The following RHBDL2 variants were observed in gnomAD, a reference collection of about 807,000 sequenced individuals.
RHBDL2 encodes the protein rhomboid-related protein 2.
Under a neutral mutation model 31.7 loss-of-function variants are expected in RHBDL2, and 26 were observed. That is an observed-to-expected ratio of 0.82 (90% CI 0.60 to 1.14). The LOEUF (loss-of-function observed/expected upper bound fraction) is 1.14. Among genes scored for constraint, RHBDL2 ranks in the 50% most tolerant of loss-of-function variants. The probability of loss-of-function intolerance (pLI) is 0.00; values close to 1 mark genes in which losing one functional copy is unlikely to be tolerated. For synonymous variants in RHBDL2, 123 were observed against 127.2 expected (o/e 0.97, Z 0.22); for missense variants, 336 against 364.4 (o/e 0.92, Z 0.63).
chr1:38,912,985 T>TGTGTGTGTA (rs780852288), intron 3 of RHBDL2, among the ~76,000 whole-genome samples: 2 of 139,814 alleles, frequency 1.4e-5, no homozygotes, highest in African/African-American at 2.7e-5. Context: ...TGTGTGTGTA[T>TGTGTGTGTA]TTTTTTTTTT....
chr1:38,901,054 GATAA>G (rs113007332), intron 4 of RHBDL2, among the ~76,000 whole-genome samples: 141,450 of 148,868 alleles, frequency 0.95, 67,500 homozygotes, highest in African/African-American at 0.99. Context: ...TCTCTAAATA[GATAA>G]ATAAATAAAT....
intron 4 of RHBDL2, among the ~76,000 whole-genome samples, chr1:38,897,361 A>G (rs1156991952): frequency 6.6e-6 from 1 of 152,058 alleles, no homozygotes; most frequent in Non-Finnish European, 1.5e-5. Context: ...CGGCCTCCCA[A>G]AGTGCTGGGA....
chr1:38,912,011 G>C (rs1372558214), intron 3 of RHBDL2, among the ~76,000 whole-genome samples: 1 of 150,954 alleles, frequency 6.6e-6, no homozygotes, highest in Non-Finnish European at 1.5e-5. Context: ...TGCTCTTGTT[G>C]CCCAGGCTGC....
At chr1:38,906,417 G>C (rs976728982) in intron 4 of RHBDL2, among the ~76,000 whole-genome samples, 1 of 151,872 alleles carries the variant, frequency 6.6e-6, no homozygotes, top group Admixed American at 6.6e-5. Context: ...GCTCATCCCT[G>C]TAATCCCAGC....
At position 38,906,567 on chromosome 1, in the gene RHBDL2, G is replaced by A. The variant is rs61018115; in HGVS notation, c.508+4755C>T. 8.8e-3 allele frequency among the ~76,000 whole-genome samples: 1,332 copies of A among 151,980 alleles called. 46 individuals carry two copies. The highest frequency in any genetic ancestry group is 0.06 in the Admixed American group (910 of 15,230). Reference sequence around the variant, plus strand: ...TGGGCACCTGTAGTCCCAGCTACTCGGGAGGCTGAGGCAGGAGAATGGCAT... The same window carrying A: ...TGGGCACCTGTAGTCCCAGCTACTCAGGAGGCTGAGGCAGGAGAATGGCAT... On this transcript the variant is annotated intron_variant, in intron 4 of 7. Transcript: ENST00000372990.
chr1:38,894,534 G>A (rs1186265169), intron 5 of RHBDL2, among the ~76,000 whole-genome samples: 2 of 151,672 alleles, frequency 1.3e-5, no homozygotes, highest in East Asian at 1.9e-4. Flanking sequence ...CGTTGGCCAG[G>A]ATGGTCCCGA....
chr1:38,902,334 T>C (rs1643003396), intron 4 of RHBDL2, among the ~76,000 whole-genome samples: 1 of 149,822 alleles, frequency 6.7e-6, no homozygotes, highest in African/African-American at 2.4e-5. Flanking sequence ...GCCTCCCGAA[T>C]AGCTGGGACT....
intron 4 of RHBDL2, among the ~76,000 whole-genome samples, chr1:38,899,897 A>G (rs1403954439): frequency 6.6e-6 from 1 of 152,098 alleles, no homozygotes; most frequent in Non-Finnish European, 1.5e-5. Flanking sequence ...GGAGGGCCCC[A>G]AGGACTGATA....
intron 1 of RHBDL2, among the ~76,000 whole-genome samples, chr1:38,920,227 G>C (rs1643293901): frequency 1.4e-5 from 2 of 143,074 alleles, no homozygotes; most frequent in Admixed American, 7.4e-5. Context: ...GAGTCCAGTG[G>C]TGCGATCTCG....
intron 1 of RHBDL2, among the ~76,000 whole-genome samples, chr1:38,938,614 G>A (rs1180420758): frequency 6.6e-6 from 1 of 151,702 alleles, no homozygotes; most frequent in Non-Finnish European, 1.5e-5. Flanking sequence ...TCACATTTGG[G>A]ATTAAGTTAA....
At chr1:38,937,016 C>G (rs192954257) in intron 1 of RHBDL2, among the ~76,000 whole-genome samples, 1 of 150,680 alleles carries the variant, frequency 6.6e-6, no homozygotes, top group African/African-American at 2.4e-5. Flanking sequence ...GGCACAGTCT[C>G]GGCTCACTGC....
intron 2 of RHBDL2, among the ~76,000 whole-genome samples, chr1:38,918,262 A>T (rs1156832286): frequency 6.6e-6 from 1 of 152,224 alleles, no homozygotes; most frequent in Non-Finnish European, 1.5e-5. Context: ...GTGGGAACTA[A>T]AAGGGTTACA....
At chr1:38,896,823 T>C (rs1415223076) in intron 4 of RHBDL2, among the ~76,000 whole-genome samples, 1 of 152,212 alleles carries the variant, frequency 6.6e-6, no homozygotes, top group Admixed American at 6.5e-5. Flanking sequence ...TGCTTAGTTC[T>C]ATTACTTGGT....
chr1:38,936,113 G>A (rs1643505956), intron 1 of RHBDL2, among the ~76,000 whole-genome samples: 1 of 151,992 alleles, frequency 6.6e-6, no homozygotes, highest in African/African-American at 2.4e-5. Flanking sequence ...ACATTACCCA[G>A]GCTGGATTCA....
intron 1 of RHBDL2, among the ~76,000 whole-genome samples, chr1:38,937,110 G>C (rs4970639): frequency 0.58 from 88,072 of 151,522 alleles, 26,314 homozygotes; most frequent in Middle Eastern, 0.68. Flanking sequence ...ACCACACCCA[G>C]CTAATTTTTT....
At chr1:38,930,033 A>G (rs578262448) in intron 1 of RHBDL2, among the ~76,000 whole-genome samples, 1 of 152,336 alleles carries the variant, frequency 6.6e-6, no homozygotes, top group East Asian at 1.9e-4. Flanking sequence ...AGCAAAGCAC[A>G]CTTGACATCA....
intron 1 of RHBDL2, among the ~76,000 whole-genome samples, chr1:38,939,437 G>A (rs61782279): frequency 0.065 from 9,909 of 152,120 alleles, 940 homozygotes; most frequent in East Asian, 0.46. Context: ...CAAGGCAGGT[G>A]GATCACTCGA....
chr1:38,909,235 G>T (rs940086995), intron 4 of RHBDL2, among the ~76,000 whole-genome samples: 1 of 152,086 alleles, frequency 6.6e-6, no homozygotes, highest in Non-Finnish European at 1.5e-5. Context: ...AAAAATGTCC[G>T]TCCTCACCTA....
At chr1:38,912,910 A>ATGTGTGTGTGTGTGTG (rs869081947) in intron 3 of RHBDL2, among the ~76,000 whole-genome samples, 3 of 41,388 alleles carry the variant, frequency 7.2e-5, no homozygotes, top group African/African-American at 2.8e-4. Context: ...ATATATATAT[A>ATGTGTGTGTGTGTGTG]TGTGTGTGTG....
Sources: gnomAD v4.1 joint callset for allele counts (sites outside exome capture counted in the v4.1 genomes callset) on GRCh38, gnomAD v4.1.1 for gene constraint, MANE v1.5 for transcripts, NCBI Gene and HGNC (gene_info 2026-07-23, HGNC 2026-07-21) for gene names.